Variants in ECPAS observed in about 807,000 individuals in gnomAD.
ECPAS encodes Ecm29 proteasome adaptor and scaffold, also known as proteasome adapter and scaffold protein ECM29.
In ECPAS, 70 loss-of-function variants were observed where a neutral mutation model predicts 255.1. That is an observed-to-expected ratio of 0.27 (90% CI 0.23 to 0.33). The LOEUF (loss-of-function observed/expected upper bound fraction) is 0.33, where lower values mean the gene tolerates loss of function less well. Among genes scored for constraint, ECPAS ranks in the 10% least tolerant of loss-of-function variants. The probability of loss-of-function intolerance (pLI) is 1.00; values close to 1 mark genes in which losing one functional copy is unlikely to be tolerated. For missense variants in ECPAS, 1,817 were observed against 2,206.4 expected, an observed-to-expected ratio of 0.82 and a Z score of 3.54; for synonymous variants, 784 against 775.0, an observed-to-expected ratio of 1.01 and a Z score of -0.19.
In ECPAS at chr9:111,389,893, A is replaced by G. The variant is rs535667111; in HGVS notation, c.3279+91T>C. The G allele has an allele frequency of 2.6e-6, 3 of 1,132,256 alleles. No homozygotes were observed. In the African/African-American group the frequency reaches 4.7e-5, roughly 18 times the overall value. 70.1% of individuals were successfully genotyped at this position (1,132,256 alleles called of 1,614,324 possible). On this transcript the variant is annotated intron_variant, in intron 30 of 49. Transcript: ENST00000684092. ...CTCATCAGGCACAGACTTTCACAAAATGCACTACATACCATTTGCCACTGT... is the reference window on the plus strand; with the variant it reads ...CTCATCAGGCACAGACTTTCACAAAGTGCACTACATACCATTTGCCACTGT...
At chr9:111,366,764 A>C in intron 46 of ECPAS, 137 bp from the exon 47 acceptor site, 1 of 617,266 alleles carries the variant, frequency 1.6e-6, no homozygotes, top group Non-Finnish European at 2.9e-6. Context: ...AGGATAAGAG[A>C]GAGAAAAGCA....
chr9:111,390,168 C>A, intron 29 of ECPAS, 67 bp from the exon 30 acceptor site: 2 of 918,306 alleles, frequency 2.2e-6, no homozygotes, highest in South Asian at 3.2e-5. Flanking sequence ...AAAATTACAT[C>A]ATCAATATTA....
chr9:111,474,132 C>A (rs996227007), intron 1 of ECPAS, among the ~76,000 whole-genome samples: 5 of 152,132 alleles, frequency 3.3e-5, no homozygotes, highest in Non-Finnish European at 7.3e-5. Flanking sequence ...AGGTTTTAGC[C>A]ACTACTCAAA....
chr9:111,451,604 C>A (rs2098260355), intron 2 of ECPAS, 49 bp from the exon 3 acceptor site: 2 of 1,483,860 alleles, frequency 1.3e-6, no homozygotes, highest in African/African-American at 2.9e-5. Flanking sequence ...CCAAACACAA[C>A]CAAGACCAAT....
intron 46 of ECPAS, 101 bp from the exon 47 acceptor site, chr9:111,366,728 G>T (rs2098120776): frequency 2.7e-6 from 2 of 738,462 alleles, no homozygotes; most frequent in Admixed American, 2.2e-5. Flanking sequence ...GAAAGGAAGA[G>T]GGAAAGAGAA....
chr9:111,480,571 T>C (rs1303499224), intron 1 of ECPAS, among the ~76,000 whole-genome samples: 1 of 152,172 alleles, frequency 6.6e-6, no homozygotes, highest in Non-Finnish European at 1.5e-5. Context: ...GTGCTAGGAT[T>C]ACAGGTGTGA....
chr9:111,394,449 G>A (rs957091935), intron 25 of ECPAS, 144 bp from the exon 26 acceptor site: 5 of 707,882 alleles, frequency 7.1e-6, no homozygotes, highest in African/African-American at 5.5e-5. Context: ...GTTGCTGAAG[G>A]AATCAATAAT....
intron 23 of ECPAS, among the ~76,000 whole-genome samples, 197 bp from the exon 24 acceptor site, chr9:111,408,869 T>C (rs2098189366): frequency 6.6e-6 from 1 of 152,236 alleles, no homozygotes; most frequent in African/African-American, 2.4e-5. Flanking sequence ...GTGAGTCCAC[T>C]AAGGATCCAC....
chr9:111,397,714 T>G (rs1164067607), intron 24 of ECPAS, among the ~76,000 whole-genome samples: 7 of 152,200 alleles, frequency 4.6e-5, no homozygotes, highest in Non-Finnish European at 1.0e-4. Flanking sequence ...TTAACAATTA[T>G]TTAACTCTTT....
At chr9:111,437,934 A>G (rs1251750225) in intron 6 of ECPAS, among the ~76,000 whole-genome samples, 1 of 152,202 alleles carries the variant, frequency 6.6e-6, no homozygotes. Flanking sequence ...ATCATATTGG[A>G]TATTATAATA....
chr9:111,407,012 C>T (rs1434874363), intron 24 of ECPAS, among the ~76,000 whole-genome samples: 3 of 148,910 alleles, frequency 2.0e-5, no homozygotes, highest in Admixed American at 6.6e-5. Context: ...ATCTCTCTAC[C>T]TTATTTCCAT....
At chr9:111,466,298 AGCT>A in intron 2 of ECPAS, among the ~76,000 whole-genome samples, 3 of 152,068 alleles carry the variant, frequency 2.0e-5, no homozygotes, top group Non-Finnish European at 4.4e-5. Flanking sequence ...TACAAAAATT[AGCT>A]GGGCATGATG....
At position 111,452,277 on chromosome 9, in the gene ECPAS, C is replaced by T. The variant is rs553620009; in HGVS notation, c.23-722G>A. Reference sequence around the variant, plus strand: ...GTGGTTAGGTTTGTTTTTTAAAGGTCCCTACAAAAACTGTCATGGGAATTA... The same window carrying T: ...GTGGTTAGGTTTGTTTTTTAAAGGTTCCTACAAAAACTGTCATGGGAATTA... On this transcript the variant is annotated intron_variant, in intron 2 of 49. Coordinates refer to ENST00000684092, the MANE Select transcript of ECPAS (RefSeq NM_001364929.1). Among the ~76,000 whole-genome samples the T allele has an allele frequency of 2.3e-3, 350 of 152,146 alleles. 4 individuals carry two copies. The highest frequency in any genetic ancestry group is 8.3e-3 in the African/African-American group (343 of 41,476).
In ECPAS at chr9:111,387,440, T is replaced by C. The variant is rs570661783; in HGVS notation, c.3448-984A>G. Among the ~76,000 whole-genome samples the C allele has an allele frequency of 1.5e-4, 23 of 151,742 alleles. No homozygotes were observed. The South Asian group carries it at 4.8e-3, about 32-fold the overall frequency. ...AGTGTCTCACTCATCGTCAGTGCAG[T>C]TATTGAGGGACAGTGTCTCGCTCAT... On this transcript the variant is annotated intron_variant, in intron 31 of 49. Coordinates refer to ENST00000684092, the MANE Select transcript of ECPAS (RefSeq NM_001364929.1).
chr9:111,397,901 A>G (rs937232826), intron 24 of ECPAS, among the ~76,000 whole-genome samples: 2 of 152,216 alleles, frequency 1.3e-5, no homozygotes, highest in Non-Finnish European at 2.9e-5. Flanking sequence ...AAAGTCAAAC[A>G]TTAGAAAATT....
At chr9:111,455,571 C>G (rs976068419) in intron 2 of ECPAS, among the ~76,000 whole-genome samples, 3 of 152,182 alleles carry the variant, frequency 2.0e-5, no homozygotes, top group African/African-American at 4.8e-5. Context: ...CAGCAGGGTT[C>G]CCACCATTCC....
rs1458111703 is a variant in ECPAS, at chr9:111,363,656, T to C, written c.5312A>G (p.Asn1771Ser). 1 of 1,489,244 alleles carries C rather than the reference T, an allele frequency of 6.7e-7. No homozygotes were observed. Among genetic ancestry groups the C allele is most frequent in the Admixed American group, 2.1e-5 (1 of 47,618 alleles). 92.3% of individuals were successfully genotyped at this position (1,489,244 alleles called of 1,614,324 possible). A position where few individuals can be genotyped will look rare whatever the true frequency, so the allele number is the denominator to read the frequency against. Residue 1771 changes from asparagine (N) to serine (S), a missense_variant, in exon 49 of 50, where the codon AAT becomes AGT. By Grantham distance (46) the Asn-to-Ser change is conservative (BLOSUM62 1). Transcript: ENST00000684092. ...TCKSITYSLE[N>S]KTYSSVRTEA... Reference sequence around the variant, plus strand: ...TGTTCTCACAGATGAGTAGGTCTTATTTTCTAAAAAGAAATATCATACAGT... The same window carrying C: ...TGTTCTCACAGATGAGTAGGTCTTACTTTCTAAAAAGAAATATCATACAGT...
chr9:111,442,454 G>T (rs749170640), intron 4 of ECPAS, 30 bp from the exon 5 acceptor site: 3 of 1,240,338 alleles, frequency 2.4e-6, no homozygotes, highest in East Asian at 2.4e-5. Flanking sequence ...GCAAGTGAGT[G>T]TGAAGGAAAT....
At chr9:111,411,968 T>C in intron 21 of ECPAS, 46 bp downstream of exon 21, 1 of 1,462,888 alleles carries the variant, frequency 6.8e-7, no homozygotes, top group African/African-American at 1.5e-5. Flanking sequence ...GATCCTTTTA[T>C]AAAACCCTAT....
Sources: allele counts gnomAD v4.1 joint callset (sites outside exome capture counted in the v4.1 genomes callset), GRCh38; gene constraint gnomAD v4.1.1; transcripts MANE v1.5; gene names NCBI Gene and HGNC (gene_info 2026-07-23, HGNC 2026-07-21).